Variants in PCSK5 observed in about 807,000 individuals in gnomAD.
PCSK5 encodes proprotein convertase subtilisin/kexin type 5, also known as prohormone convertase 5.
In PCSK5, 129 loss-of-function variants were observed where a neutral mutation model predicts 233.2. That is an observed-to-expected ratio of 0.55 (90% CI 0.48 to 0.64). The LOEUF (loss-of-function observed/expected upper bound fraction) is 0.64. Among genes scored for constraint, PCSK5 ranks in the 30% least tolerant of loss-of-function variants. PCSK5 has a pLI of 0.00. For missense variants in PCSK5, 2,076 were observed against 2,430.1 expected (o/e 0.85, Z 3.06); for synonymous variants, 825 against 879.2 (o/e 0.94, Z 1.09).
At chr9:76,097,938 T>G (rs1831603289) in intron 8 of PCSK5, among the ~76,000 whole-genome samples, 1 of 152,244 alleles carries the variant, frequency 6.6e-6, no homozygotes, top group Admixed American at 6.5e-5. Context: ...CCTGACACTT[T>G]TTAGCATTTA....
chr9:75,981,312 C>G (rs1213846957), intron 2 of PCSK5, among the ~76,000 whole-genome samples: 1 of 152,062 alleles, frequency 6.6e-6, no homozygotes, highest in East Asian at 1.9e-4. Context: ...ATTTAGTATG[C>G]CTTCCCTCAT....
intron 9 of PCSK5, among the ~76,000 whole-genome samples, chr9:76,133,311 A>G (rs1822834042): frequency 6.6e-6 from 1 of 152,090 alleles, no homozygotes; most frequent in Non-Finnish European, 1.5e-5. Flanking sequence ...GGCTTCGAGT[A>G]TATACATAGT....
intron 1 of PCSK5, among the ~76,000 whole-genome samples, chr9:75,923,269 T>G (rs1823331718): frequency 6.6e-6 from 1 of 152,184 alleles, no homozygotes; most frequent in South Asian, 2.1e-4. Flanking sequence ...CTCCTTCCTT[T>G]GGAGGGTTGT....
rs1830443339 is a variant in PCSK5 at position 76,362,349 on chromosome 9, A to G, written c.*3427A>G. 1 of 152,244 alleles carries G rather than the reference A, an allele frequency of 6.6e-6. No homozygotes were observed. Among genetic ancestry groups the G allele is most frequent in the African/African-American group, 2.4e-5 (1 of 41,468 alleles). 9.4% of individuals were successfully genotyped at this position (152,244 alleles called of 1,614,324 possible). On this transcript the variant is annotated 3_prime_UTR_variant, in exon 38 of 38. Transcript: ENST00000674117. Reference sequence around the variant, plus strand: ...AATTAAATCAAGACCAGATAATGCTATGGAGACTTACTTATTAAATAACTT... The same window carrying G: ...AATTAAATCAAGACCAGATAATGCTGTGGAGACTTACTTATTAAATAACTT...
chr9:76,148,631 G>A (rs1224617630), intron 10 of PCSK5, among the ~76,000 whole-genome samples: 1 of 152,052 alleles, frequency 6.6e-6, no homozygotes, highest in African/African-American at 2.4e-5. Flanking sequence ...GTTGACAGGG[G>A]ATACCCTTCT....
intron 2 of PCSK5, among the ~76,000 whole-genome samples, chr9:75,978,955 C>G (rs1223468503): frequency 6.7e-6 from 1 of 150,098 alleles, no homozygotes; most frequent in Non-Finnish European, 1.5e-5. Context: ...TCACCGCAAC[C>G]TCCACCTCCC....
At chr9:76,304,494 G>T (rs1828715183) in intron 28 of PCSK5, among the ~76,000 whole-genome samples, 1 of 152,214 alleles carries the variant, frequency 6.6e-6, no homozygotes, top group Admixed American at 6.5e-5. Context: ...TGGCAGGAGA[G>T]AATCAACAGG....
intron 12 of PCSK5, among the ~76,000 whole-genome samples, chr9:76,166,564 C>T (rs1470164693): frequency 6.6e-6 from 1 of 152,178 alleles, no homozygotes; most frequent in Non-Finnish European, 1.5e-5. Context: ...AACAAGACTG[C>T]CCCTCATGTG....
At chr9:76,337,013 TG>T (rs1228815130) in intron 34 of PCSK5, among the ~76,000 whole-genome samples, 1 of 151,844 alleles carries the variant, frequency 6.6e-6, no homozygotes, top group Non-Finnish European at 1.5e-5. Flanking sequence ...TAATGAATAG[TG>T]GTTATAGTTA....
intron 22 of PCSK5, 141 bp downstream of exon 22, chr9:76,233,737 C>T: frequency 2.7e-6 from 2 of 740,938 alleles, no homozygotes; most frequent in Non-Finnish European, 4.4e-6. Context: ...GCGTGTACAA[C>T]CTTGAACTTT....
chr9:76,262,005 C>T (rs554179151), intron 24 of PCSK5, among the ~76,000 whole-genome samples: 2 of 152,292 alleles, frequency 1.3e-5, no homozygotes, highest in Admixed American at 6.5e-5. Context: ...ATTTCCTTCT[C>T]CTGCCTAACT....
At chr9:76,116,300 A>G (rs954117841) in intron 9 of PCSK5, among the ~76,000 whole-genome samples, 1 of 152,142 alleles carries the variant, frequency 6.6e-6, no homozygotes. Context: ...TTGGATGTTT[A>G]TAAGATTGCA....
At position 76,359,002 on chromosome 9, in the gene PCSK5, AC is replaced by A; in HGVS notation, c.*82del. The A allele has an allele frequency of 1.7e-6, 2 of 1,180,818 alleles. No individual in the cohort carries two copies. The highest frequency in any genetic ancestry group is 2.4e-6 in the Non-Finnish European group (2 of 818,964). The allele number at this position is 1,180,818 out of a possible 1,614,324, so 73.1% of individuals were successfully genotyped here. Reference sequence around the variant, plus strand: ...TCACTGTTTTTGGTTTTATCCCCACACCAGGCTGATGTGTGAGTTTTTCTAT... The same window carrying A: ...TCACTGTTTTTGGTTTTATCCCCACACAGGCTGATGTGTGAGTTTTTCTAT... On this transcript the variant is annotated 3_prime_UTR_variant, in exon 38 of 38. Transcript: ENST00000674117.
At chr9:76,131,901 A>C (rs1822773326) in intron 9 of PCSK5, among the ~76,000 whole-genome samples, 1 of 152,122 alleles carries the variant, frequency 6.6e-6, no homozygotes, top group South Asian at 2.1e-4. Context: ...TTAAATTACT[A>C]GGTTGATTTA....
chr9:76,151,486 C>A (rs1013776167), intron 10 of PCSK5, among the ~76,000 whole-genome samples: 1 of 152,182 alleles, frequency 6.6e-6, no homozygotes, highest in Non-Finnish European at 1.5e-5. Flanking sequence ...CCTTCCCCTG[C>A]TGACCATTCA....
intron 27 of PCSK5, among the ~76,000 whole-genome samples, chr9:76,299,922 C>T (rs1398186682): frequency 6.6e-6 from 1 of 152,158 alleles, no homozygotes; most frequent in South Asian, 2.1e-4. Flanking sequence ...GCTGGAGAGT[C>T]CTAGGAGTAA....
At chr9:76,242,096 A>G (rs1232238935) in intron 24 of PCSK5, among the ~76,000 whole-genome samples, 2 of 152,124 alleles carry the variant, frequency 1.3e-5, no homozygotes, top group Non-Finnish European at 2.9e-5. Context: ...TTTTTTTCTT[A>G]CTAATACATA....
chr9:76,271,470 G>A (rs1309401401), intron 24 of PCSK5, among the ~76,000 whole-genome samples: 4 of 152,256 alleles, frequency 2.6e-5, no homozygotes, highest in African/African-American at 7.2e-5. Context: ...AAAGATCAAG[G>A]CAGGAACACA....
At chr9:76,308,829 C>G (rs1368177532) in intron 29 of PCSK5, 101 bp downstream of exon 29, 1 of 698,088 alleles carries the variant, frequency 1.4e-6, no homozygotes. Flanking sequence ...AGGCCTTGAT[C>G]TATTCCCATC....
Sources: gnomAD v4.1 joint callset for allele counts (sites outside exome capture counted in the v4.1 genomes callset) on GRCh38, gnomAD v4.1.1 for gene constraint, MANE v1.5 for transcripts, NCBI Gene and HGNC (gene_info 2026-07-23, HGNC 2026-07-21) for gene names.